Variants in ST6GALNAC3 observed in about 807,000 individuals in gnomAD.
The protein encoded by ST6GALNAC3 is alpha-N-acetylgalactosaminide alpha-2,6-sialyltransferase 3.
In ST6GALNAC3, 25 loss-of-function variants were observed where a neutral mutation model predicts 32.7. The observed-to-expected ratio is 0.76, with a 90% confidence interval of 0.56 to 1.07. The LOEUF is 1.07. ST6GALNAC3 is among the 50% of genes least tolerant of loss of function. ST6GALNAC3 has a pLI of 0.00. For missense variants in ST6GALNAC3, 355 were observed against 382.4 expected, an observed-to-expected ratio of 0.93 and a Z score of 0.60; for synonymous variants, 129 against 133.1, an observed-to-expected ratio of 0.97 and a Z score of 0.21.
chr1:76,409,674 T>C (rs952365403), intron 2 of ST6GALNAC3, among the ~76,000 whole-genome samples: 1 of 152,100 alleles, frequency 6.6e-6, no homozygotes, highest in African/African-American at 2.4e-5. Context: ...GATTTTTGAT[T>C]AATGGTTTCT....
chr1:76,281,646 A>G (rs1659502982), intron 1 of ST6GALNAC3, among the ~76,000 whole-genome samples: 1 of 152,240 alleles, frequency 6.6e-6, no homozygotes. Flanking sequence ...AGCCAGGTCC[A>G]GAGAATAATG....
At chr1:76,153,780 T>A (rs1651205744) in intron 1 of ST6GALNAC3, among the ~76,000 whole-genome samples, 1 of 152,166 alleles carries the variant, frequency 6.6e-6, no homozygotes, top group African/African-American at 2.4e-5. Flanking sequence ...GAACAGTTAG[T>A]CATATTCTGT....
At chr1:76,488,083 T>C (rs1660245565) in intron 3 of ST6GALNAC3, among the ~76,000 whole-genome samples, 1 of 152,132 alleles carries the variant, frequency 6.6e-6, no homozygotes, top group Non-Finnish European at 1.5e-5. Context: ...TGATATAGTC[T>C]GGATATTTGT....
intron 1 of ST6GALNAC3, among the ~76,000 whole-genome samples, chr1:76,076,039 A>G (rs1275070936): frequency 6.6e-6 from 1 of 152,176 alleles, no homozygotes; most frequent in Non-Finnish European, 1.5e-5. Context: ...TGCGTAAAGG[A>G]GATCAGAAGT....
intron 1 of ST6GALNAC3, among the ~76,000 whole-genome samples, chr1:76,209,888 T>A (rs1655042022): frequency 6.6e-6 from 1 of 151,888 alleles, no homozygotes; most frequent in Admixed American, 6.6e-5. Flanking sequence ...TTATTTTGGC[T>A]CCTGGCTTTG....
intron 3 of ST6GALNAC3, among the ~76,000 whole-genome samples, chr1:76,466,235 T>A: frequency 6.6e-6 from 1 of 152,222 alleles, no homozygotes; most frequent in East Asian, 1.9e-4. Flanking sequence ...TAAGGAGATA[T>A]GAACTTGTAT....
At chr1:76,085,250 A>G (rs1646949585) in intron 1 of ST6GALNAC3, among the ~76,000 whole-genome samples, 1 of 152,206 alleles carries the variant, frequency 6.6e-6, no homozygotes, top group Non-Finnish European at 1.5e-5. Context: ...AGAAGTTGAG[A>G]TGGGTACTGT....
At chr1:76,602,731 T>G (rs1436605959) in intron 3 of ST6GALNAC3, among the ~76,000 whole-genome samples, 1 of 151,948 alleles carries the variant, frequency 6.6e-6, no homozygotes, top group Non-Finnish European at 1.5e-5. Context: ...AATGTATTGG[T>G]TTTTTAATTT....
At chr1:76,231,328 A>G (rs867887541) in intron 1 of ST6GALNAC3, among the ~76,000 whole-genome samples, 1 of 152,246 alleles carries the variant, frequency 6.6e-6, no homozygotes, top group Non-Finnish European at 1.5e-5. Context: ...TTATTATTTT[A>G]TCGTTAATTG....
chr1:76,442,369 A>G (rs917395998), intron 3 of ST6GALNAC3, among the ~76,000 whole-genome samples: 1 of 152,152 alleles, frequency 6.6e-6, no homozygotes, highest in African/African-American at 2.4e-5. Flanking sequence ...CCTCCCAAGT[A>G]ATGCTGTATC....
intron 2 of ST6GALNAC3, among the ~76,000 whole-genome samples, chr1:76,352,357 T>C (rs1649048077): frequency 8.2e-6 from 1 of 121,778 alleles, no homozygotes; most frequent in South Asian, 2.3e-4. Flanking sequence ...AACTTGACTA[T>C]TTCCTCCTTT....
intron 1 of ST6GALNAC3, among the ~76,000 whole-genome samples, chr1:76,296,925 A>G (rs1012478536): frequency 6.6e-6 from 1 of 152,080 alleles, no homozygotes. Flanking sequence ...GGTGAAAAAC[A>G]TCAAATCTCT....
intron 1 of ST6GALNAC3, among the ~76,000 whole-genome samples, chr1:76,279,293 C>T (rs1256286473): frequency 3.9e-5 from 6 of 152,164 alleles, no homozygotes; most frequent in South Asian, 2.1e-4. Flanking sequence ...CTTATGGCTG[C>T]GAAAAGCCTC....
chr1:76,271,494 A>T (rs979228466), intron 1 of ST6GALNAC3, among the ~76,000 whole-genome samples: 3 of 152,218 alleles, frequency 2.0e-5, no homozygotes, highest in African/African-American at 7.2e-5. Flanking sequence ...CAGTGGTCCT[A>T]TGCTTTATTG....
chr1:76,076,220 G>A (rs888476758), intron 1 of ST6GALNAC3, among the ~76,000 whole-genome samples: 3 of 152,152 alleles, frequency 2.0e-5, no homozygotes, highest in Admixed American at 2.0e-4. Flanking sequence ...TTTGCTGAAA[G>A]GGACATTGAG....
At chr1:76,170,566 G>T (rs1175715478) in intron 1 of ST6GALNAC3, among the ~76,000 whole-genome samples, 1 of 152,190 alleles carries the variant, frequency 6.6e-6, no homozygotes, top group Admixed American at 6.5e-5. Context: ...TTACTGGCCA[G>T]GGATTATGGC....
chr1:76,084,256 G>A (rs567142501), intron 1 of ST6GALNAC3, among the ~76,000 whole-genome samples: 2 of 152,362 alleles, frequency 1.3e-5, no homozygotes, highest in African/African-American at 4.8e-5. Context: ...TGATGAGCAA[G>A]TAATGAGTGC....
At chr1:76,123,942 G>A (rs1226864465) in intron 1 of ST6GALNAC3, among the ~76,000 whole-genome samples, 2 of 151,654 alleles carry the variant, frequency 1.3e-5, no homozygotes, top group African/African-American at 4.8e-5. Flanking sequence ...GTAGTGATAG[G>A]TTTTCACCAT....
intron 1 of ST6GALNAC3, among the ~76,000 whole-genome samples, chr1:76,123,370 C>A: frequency 7.0e-6 from 1 of 142,950 alleles, no homozygotes; most frequent in Admixed American, 7.1e-5. Context: ...CAGAGCGAGG[C>A]TCCATCTCAA....
Sources: gnomAD v4.1 joint callset for allele counts (sites outside exome capture counted in the v4.1 genomes callset) on GRCh38, gnomAD v4.1.1 for gene constraint, MANE v1.5 for transcripts, NCBI Gene and HGNC (gene_info 2026-07-23, HGNC 2026-07-21) for gene names.